The following HNF1B variants were observed in gnomAD, a reference collection of about 807,000 sequenced individuals.
The protein encoded by HNF1B is hepatocyte nuclear factor 1-beta.
HNF1B carries 8 observed loss-of-function variants against 61.7 expected under a neutral mutation model. The ratio of observed to expected loss-of-function variants is 0.13; its 90% CI spans 0.08 to 0.23. The LOEUF (loss-of-function observed/expected upper bound fraction) is 0.23, where lower values mean the gene tolerates loss of function less well. Among genes scored for constraint, HNF1B ranks in the 10% least tolerant of loss-of-function variants. The probability of loss-of-function intolerance (pLI) is 1.00; values close to 1 mark genes in which losing one functional copy is unlikely to be tolerated. For synonymous variants in HNF1B, 314 were observed against 287.7 expected, an observed-to-expected ratio of 1.09 and a Z score of -0.93; for missense variants, 562 against 714.5, an observed-to-expected ratio of 0.79 and a Z score of 2.43.
chr17:37,740,412 G>C (rs1312453154), intron 1 of HNF1B, among the ~76,000 whole-genome samples: 2 of 152,132 alleles, frequency 1.3e-5, no homozygotes, highest in African/African-American at 2.4e-5. Flanking sequence ...TTCTGAATTT[G>C]CCCAATTTTA....
At chr17:37,712,024 T>C (rs1318826876) in intron 4 of HNF1B, among the ~76,000 whole-genome samples, 1 of 152,162 alleles carries the variant, frequency 6.6e-6, no homozygotes, top group East Asian at 1.9e-4. Context: ...CCCAAGCCAG[T>C]TTTCCTTGGA....
chr17:37,704,743 A>G (rs1201563971), intron 6 of HNF1B, among the ~76,000 whole-genome samples, 174 bp downstream of exon 6: 1 of 152,218 alleles, frequency 6.6e-6, no homozygotes, highest in East Asian at 1.9e-4. Context: ...GTTTTAGGCT[A>G]AACAATCCAA....
Position 37,707,822 on chromosome 17 carries a change from C to T in HNF1B, c.1206+2681G>A, listed in dbSNP as rs113636964. Among the ~76,000 whole-genome samples the T allele has an allele frequency of 2.3e-3, 344 of 151,796 alleles. 3 individuals carry two copies. Among genetic ancestry groups the T allele is most frequent in the South Asian group, 7.7e-3 (37 of 4,802 alleles). On this transcript the variant is annotated intron_variant, in intron 5 of 8. Transcript: ENST00000617811. ...GCACAGACTACAACCCTAAACCTGG[C>T]CAGTTTTTTGTCAATGCGTGACATT...
chr17:37,691,111 A>G (rs1035254040), intron 8 of HNF1B, among the ~76,000 whole-genome samples: 6 of 152,144 alleles, frequency 3.9e-5, no homozygotes, highest in Non-Finnish European at 5.9e-5. Flanking sequence ...AAGGAGGGAG[A>G]GATCAGCTGT....
chr17:37,736,907 T>C (rs2033848425), intron 2 of HNF1B, among the ~76,000 whole-genome samples: 1 of 152,200 alleles, frequency 6.6e-6, no homozygotes, highest in African/African-American at 2.4e-5. Context: ...TTGCTCCCTC[T>C]AGCCACCAAC....
intron 4 of HNF1B, among the ~76,000 whole-genome samples, chr17:37,719,155 G>A (rs908566249): frequency 6.7e-6 from 1 of 149,286 alleles, no homozygotes; most frequent in Non-Finnish European, 1.5e-5. Flanking sequence ...TTGAAGAGAT[G>A]GGGGGGTCTA....
intron 8 of HNF1B, among the ~76,000 whole-genome samples, chr17:37,694,376 A>G (rs561328184): frequency 1.4e-4 from 20 of 139,524 alleles, no homozygotes; most frequent in Non-Finnish European, 2.8e-4. Context: ...CAGTGAGCTG[A>G]GATCACACCA....
chr17:37,720,019 G>A (rs2147503721), intron 4 of HNF1B, among the ~76,000 whole-genome samples: 1 of 152,188 alleles, frequency 6.6e-6, no homozygotes, highest in South Asian at 2.1e-4. Context: ...GATAGCTGCC[G>A]ATCACCGGCA....
At chr17:37,743,374 G>A (rs184024066) in intron 1 of HNF1B, among the ~76,000 whole-genome samples, 1 of 152,250 alleles carries the variant, frequency 6.6e-6, no homozygotes, top group Non-Finnish European at 1.5e-5. Flanking sequence ...ACCTCCGGGC[G>A]GGAGAGCGAC....
In HNF1B at chr17:37,744,941, G is replaced by A. The variant is rs1445087652; in HGVS notation, c.-57C>T. 5.7e-6 allele frequency: 8 copies of A among 1,403,566 alleles called. No homozygotes were observed. The highest frequency in any genetic ancestry group is 7.9e-6 in the Non-Finnish European group (8 of 1,007,796). The allele number at this position is 1,403,566 out of a possible 1,614,324, so 86.9% of individuals were successfully genotyped here. ...GGGTGGGTGGGTGCGAGAGAGGAGG[G>A]TGGAGGGGAGTTTCACAAGCAAACC... On this transcript the variant is annotated 5_prime_UTR_variant, in exon 1 of 9. Transcript: ENST00000617811.
At chr17:37,725,020 T>A (rs1314904019) in intron 4 of HNF1B, among the ~76,000 whole-genome samples, 1 of 152,076 alleles carries the variant, frequency 6.6e-6, no homozygotes, top group African/African-American at 2.4e-5. Context: ...AAAAAATAGG[T>A]AGAGGCATAA....
At chr17:37,709,229 A>G (rs2032853056) in intron 5 of HNF1B, among the ~76,000 whole-genome samples, 1 of 151,982 alleles carries the variant, frequency 6.6e-6, no homozygotes, top group Non-Finnish European at 1.5e-5. Context: ...ATTAGAACCT[A>G]GTTTTATTTA....
At position 37,686,964 on chromosome 17, in the gene HNF1B, TAC is replaced by T. The variant is rs2031989881; in HGVS notation, c.*406_*407del. On this transcript the variant is annotated 3_prime_UTR_variant, in exon 9 of 9. Coordinates refer to ENST00000617811, the MANE Select transcript of HNF1B (RefSeq NM_000458.4). ...GCAGGGGAGGGAGTCTGTGGATATT[TAC>T]AGTGTGTTTGGCTCAGTTCAATAGC... The T allele has an allele frequency of 3.5e-5, 14 of 401,008 alleles. No homozygotes were observed. In the South Asian group the frequency reaches 3.6e-4, roughly 10 times the overall value. The allele number at this position is 401,008 out of a possible 1,614,324, so 24.8% of individuals were successfully genotyped here.
At chr17:37,716,488 T>A (rs2033116677) in intron 4 of HNF1B, among the ~76,000 whole-genome samples, 1 of 152,202 alleles carries the variant, frequency 6.6e-6, no homozygotes, top group Non-Finnish European at 1.5e-5. Flanking sequence ...CATGAGCCAC[T>A]GCGCCCGGCC....
chr17:37,704,064 C>T (rs2032658577), intron 6 of HNF1B, among the ~76,000 whole-genome samples: 1 of 152,192 alleles, frequency 6.6e-6, no homozygotes, highest in Non-Finnish European at 1.5e-5. Flanking sequence ...GCAATACATC[C>T]AAGGGTCACA....
At chr17:37,728,943 T>G (rs114015250) in intron 4 of HNF1B, 2,892 of 153,808 alleles carry the variant, frequency 0.019, 96 homozygotes, top group African/African-American at 0.066. Flanking sequence ...CCCTGGTGTG[T>G]GAGATCAAAA....
At chr17:37,689,146 C>CAAAAAA (rs71368464) in intron 8 of HNF1B, among the ~76,000 whole-genome samples, 1 of 62,426 alleles carries the variant, frequency 1.6e-5, no homozygotes, top group Non-Finnish European at 3.5e-5. Flanking sequence ...CTTGGTCTCA[C>CAAAAAA]AAAAAAAAAA....
At chr17:37,694,931 G>GC (rs1241470627) in intron 8 of HNF1B, among the ~76,000 whole-genome samples, 1 of 152,206 alleles carries the variant, frequency 6.6e-6, no homozygotes, top group Non-Finnish European at 1.5e-5. Flanking sequence ...GTAAAAGTTT[G>GC]GAAAATTTGC....
At chr17:37,738,083 A>AGCGTT in intron 2 of HNF1B, among the ~76,000 whole-genome samples, 1 of 152,332 alleles carries the variant, frequency 6.6e-6, no homozygotes, top group African/African-American at 2.4e-5. Context: ...GCAGGGCCCA[A>AGCGTT]GCGTTGTTGG....
Sources: allele counts gnomAD v4.1 joint callset (sites outside exome capture counted in the v4.1 genomes callset), GRCh38; gene constraint gnomAD v4.1.1; transcripts MANE v1.5; gene names NCBI Gene and HGNC (gene_info 2026-07-23, HGNC 2026-07-21).